BCL2: variants seen among roughly 807,000 people sequenced by gnomAD.
The protein encoded by BCL2 is apoptosis regulator Bcl-2.
A neutral mutation model predicts 14.2 loss-of-function variants in BCL2; 1 was observed. The ratio of observed to expected loss-of-function variants is 0.07; its 90% CI spans 0.02 to 0.33. The LOEUF is 0.33. Among genes scored for constraint, BCL2 ranks in the 10% least tolerant of loss-of-function variants. The pLI, the probability that BCL2 is intolerant of heterozygous loss-of-function variation, is 0.99. For missense variants in BCL2, 247 were observed against 305.9 expected (o/e 0.81, Z 1.44); for synonymous variants, 151 against 137.2 (o/e 1.10, Z -0.70).
chr18:63,211,549 C>T (rs1258876775), intron 2 of BCL2, among the ~76,000 whole-genome samples: 1 of 152,200 alleles, frequency 6.6e-6, no homozygotes, highest in Non-Finnish European at 1.5e-5. Context: ...ACTGACTTCC[C>T]TTTGCAGGTG....
At chr18:63,176,089 C>T (rs112771069) in intron 2 of BCL2, among the ~76,000 whole-genome samples, 1,648 of 152,326 alleles carry the variant, frequency 0.011, 19 homozygotes, top group African/African-American at 0.031. Flanking sequence ...CTTCCCTAGA[C>T]GAGCTGTTCT....
intron 2 of BCL2, chr18:63,313,789 A>G (rs1913410124): frequency 6.6e-6 from 1 of 152,188 alleles, no homozygotes; most frequent in Admixed American, 6.5e-5. Context: ...GAGATAAGAA[A>G]AAACAACAAG....
intron 2 of BCL2, among the ~76,000 whole-genome samples, chr18:63,159,910 C>T (rs1914877336): frequency 6.6e-6 from 1 of 152,212 alleles, no homozygotes; most frequent in African/African-American, 2.4e-5. Context: ...TCGTTTTCAG[C>T]GGGGTCATTT....
At chr18:63,188,792 G>A (rs1245384934) in intron 2 of BCL2, among the ~76,000 whole-genome samples, 1 of 151,818 alleles carries the variant, frequency 6.6e-6, no homozygotes, top group Non-Finnish European at 1.5e-5. Flanking sequence ...GAATATACAT[G>A]CATTTGTATA....
At chr18:63,275,517 G>A (rs777236304) in intron 2 of BCL2, among the ~76,000 whole-genome samples, 24 of 152,270 alleles carry the variant, frequency 1.6e-4, no homozygotes, top group Non-Finnish European at 3.1e-4. Flanking sequence ...CTACACAGCC[G>A]TGACCCTTTT....
At chr18:63,159,830 C>G (rs1321461415) in intron 2 of BCL2, among the ~76,000 whole-genome samples, 2 of 152,228 alleles carry the variant, frequency 1.3e-5, no homozygotes, top group Non-Finnish European at 2.9e-5. Flanking sequence ...GCTCACCTTG[C>G]AAAGATTTCC....
intron 2 of BCL2, among the ~76,000 whole-genome samples, chr18:63,187,457 C>A (rs1915617741): frequency 6.6e-6 from 1 of 152,234 alleles, no homozygotes; most frequent in African/African-American, 2.4e-5. Context: ...GCACCTCTAC[C>A]TCTATGATTT....
chr18:63,187,056 T>C (rs1915608294), intron 2 of BCL2, among the ~76,000 whole-genome samples: 1 of 152,246 alleles, frequency 6.6e-6, no homozygotes, highest in African/African-American at 2.4e-5. Flanking sequence ...AAGGATATTA[T>C]ATCAACAGTC....
intron 2 of BCL2, among the ~76,000 whole-genome samples, chr18:63,240,624 T>C (rs1005848290): frequency 1.3e-5 from 2 of 152,248 alleles, no homozygotes; most frequent in Admixed American, 6.5e-5. Flanking sequence ...AAGTTCCCTA[T>C]TGGGAAATCA....
intron 2 of BCL2, among the ~76,000 whole-genome samples, chr18:63,160,851 A>T (rs1045584305): frequency 6.6e-6 from 1 of 152,022 alleles, no homozygotes; most frequent in African/African-American, 2.4e-5. Flanking sequence ...TAAACTGCTC[A>T]CTAGCCCTTC....
chr18:63,262,521 G>A (rs930786917), intron 2 of BCL2, among the ~76,000 whole-genome samples: 1 of 152,150 alleles, frequency 6.6e-6, no homozygotes, highest in African/African-American at 2.4e-5. Context: ...GAAGGAGGTG[G>A]ACAAGTGGCT....
intron 2 of BCL2, among the ~76,000 whole-genome samples, chr18:63,211,068 T>C (rs1338542075): frequency 1.5e-5 from 2 of 129,038 alleles, no homozygotes; most frequent in African/African-American, 2.9e-5. Flanking sequence ...CATTTCTTTT[T>C]TTTTTTTTTT....
intron 2 of BCL2, among the ~76,000 whole-genome samples, chr18:63,143,589 G>T (rs2144599854): frequency 6.6e-6 from 1 of 152,372 alleles, no homozygotes; most frequent in East Asian, 1.9e-4. Flanking sequence ...GGCGAGCCTG[G>T]GGGACCCTGC....
intron 2 of BCL2, among the ~76,000 whole-genome samples, chr18:63,310,663 T>C (rs1913286592): frequency 6.6e-6 from 1 of 152,212 alleles, no homozygotes. Context: ...TAAATGTTTT[T>C]TTCAATGAAA....
intron 2 of BCL2, among the ~76,000 whole-genome samples, chr18:63,173,324 C>A (rs961653873): frequency 6.6e-6 from 1 of 152,244 alleles, no homozygotes; most frequent in East Asian, 1.9e-4. Flanking sequence ...CTAGGCTCAC[C>A]GTTAAAATAC....
intron 2 of BCL2, among the ~76,000 whole-genome samples, chr18:63,162,388 C>T (rs1914942385): frequency 6.6e-6 from 1 of 152,184 alleles, no homozygotes; most frequent in African/African-American, 2.4e-5. Context: ...CAATCAGAAA[C>T]ACATTCCTGG....
intron 2 of BCL2, among the ~76,000 whole-genome samples, chr18:63,153,277 T>C (rs1051802800): frequency 6.6e-6 from 1 of 152,194 alleles, no homozygotes; most frequent in Admixed American, 6.5e-5. Context: ...AAGGCTGTAG[T>C]TGTCGAGTGG....
intron 2 of BCL2, among the ~76,000 whole-genome samples, chr18:63,260,678 A>T (rs2144223449): frequency 6.6e-6 from 1 of 150,734 alleles, no homozygotes; most frequent in South Asian, 2.1e-4. Flanking sequence ...GAGAAAGGTG[A>T]TATCTAGCCA....
intron 2 of BCL2, among the ~76,000 whole-genome samples, chr18:63,222,165 T>G (rs962177238): frequency 6.7e-6 from 1 of 150,120 alleles, no homozygotes; most frequent in Admixed American, 6.6e-5. Context: ...TCTCAGCTAC[T>G]AGGGAGACTG....
Sources: allele counts gnomAD v4.1 joint callset (sites outside exome capture counted in the v4.1 genomes callset), GRCh38; gene constraint gnomAD v4.1.1; transcripts MANE v1.5; gene names NCBI Gene and HGNC (gene_info 2026-07-23, HGNC 2026-07-21).